RBM28: variants seen among roughly 807,000 people sequenced by gnomAD.
RBM28 encodes the protein RNA-binding protein 28.
In RBM28, 78 loss-of-function variants were observed where a neutral mutation model predicts 98.3. The ratio of observed to expected loss-of-function variants is 0.79; its 90% confidence interval spans 0.66 to 0.96. RBM28 has a LOEUF of 0.96. Ranked by LOEUF, RBM28 falls within the 40% of genes least tolerant of loss-of-function variation. RBM28 has a pLI of 0.00. For synonymous variants in RBM28, 306 were observed against 330.9 expected (o/e 0.92, Z 0.82); for missense variants, 838 against 913.0 (o/e 0.92, Z 1.06).
Position 128,301,669 on chromosome 7 carries a change from G to C in RBM28, c.*9128C>G, listed in dbSNP as rs1795783515. On this transcript the variant is annotated 3_prime_UTR_variant, in exon 19 of 19. Transcript: ENST00000223073. ...CAGCTATTGCCTAAGGGTCACTGAG[G>C]GCCTCAAACCCCAGAGGCTCTGTGG... 1 of 152,388 alleles carries C rather than the reference G, an allele frequency of 6.6e-6. No individual in the cohort carries two copies. The highest frequency in any genetic ancestry group is 1.5e-5 in the Non-Finnish European group (1 of 68,190). The allele number at this position is 152,388 out of a possible 1,614,324, so 9.4% of individuals were successfully genotyped here. A position where few individuals can be genotyped will look rare whatever the true frequency, so the allele number is the denominator to read the frequency against.
intron 10 of RBM28, among the ~76,000 whole-genome samples, chr7:128,330,495 T>C (rs1173087545): frequency 1.3e-5 from 2 of 151,168 alleles, no homozygotes; most frequent in Non-Finnish European, 2.9e-5. Context: ...AATTTTCCTG[T>C]CTCAGCCTCC....
At position 128,313,289 on chromosome 7, in the gene RBM28, CTGAG is replaced by C; in HGVS notation, c.2046-19_2046-16del. On this transcript the variant is annotated splice_polypyrimidine_tract_variant and intron_variant, in intron 17 of 18. Transcript: ENST00000223073. The stretch of plus-strand genomic sequence containing the variant: ...TGTCCCGCAACCTGAAATAACATGG[CTGAG>C]TGTCACCTTGAGTCCTTCTTCTAAT... 1 of 1,608,808 alleles carries C rather than the reference CTGAG, an allele frequency of 6.2e-7. No homozygotes were observed. The highest frequency in any genetic ancestry group is 8.5e-7 in the Non-Finnish European group (1 of 1,175,150).
chr7:128,339,130 C>T, intron 3 of RBM28, 97 bp downstream of exon 3: 1 of 1,131,132 alleles, frequency 8.8e-7, no homozygotes, highest in South Asian at 1.2e-5. Context: ...AGGAATTAAG[C>T]CCAATTATAC....
intron 1 of RBM28, among the ~76,000 whole-genome samples, chr7:128,343,322 C>CTCTCCA (rs1796769032): frequency 6.6e-6 from 1 of 152,188 alleles, no homozygotes; most frequent in South Asian, 2.1e-4. Flanking sequence ...GACATTAAGA[C>CTCTCCA]TCTCCATCCG....
At chr7:128,331,483 A>G (rs1432315926) in intron 9 of RBM28, among the ~76,000 whole-genome samples, 1 of 152,196 alleles carries the variant, frequency 6.6e-6, no homozygotes, top group Middle Eastern at 3.2e-3. Context: ...TAAATTGACC[A>G]AAATTCATTT....
intron 16 of RBM28, among the ~76,000 whole-genome samples, chr7:128,316,541 T>A (rs1320975022): frequency 1.3e-5 from 2 of 152,054 alleles, no homozygotes; most frequent in African/African-American, 4.8e-5. Flanking sequence ...TGAAACCCTG[T>A]CTCTACTAAA....
rs751460187 is a variant in RBM28, at chr7:128,335,858, T to C, written c.798A>G (p.Gln266=). The part of the protein sequence containing the change: ...NIESKVTKPV[Q]IQKRAVKRPA... ...GATGAGCTGCTTACCTCTTCTGAAT[T>C]TGCACAGGCTTGGTCACCTTTGATT... The change falls in exon 7 of 19, where the codon CAA becomes CAG. Residue 266 remains glutamine (Q), a synonymous_variant. Transcript: ENST00000223073. The C allele has an allele frequency of 1.2e-6, 2 of 1,614,176 alleles. No homozygotes were observed. The highest frequency in any genetic ancestry group is 1.7e-5 in the Admixed American group (1 of 60,028).
chr7:128,332,358 T>G (rs28437662), intron 9 of RBM28, among the ~76,000 whole-genome samples: 5,257 of 125,396 alleles, frequency 0.042, 206 homozygotes, highest in African/African-American at 0.13. Context: ...GAAAACAAAT[T>G]TTTTTTTTTT....
chr7:128,305,573 T>C lies in RBM28; in HGVS notation c.*5224A>G, dbSNP rs1226813065. ...CCTGGGCTCAAGTGATTCTCCCACT[T>C]TGACCTCTCAAAGTGCTGGGAATAT... On this transcript the variant is annotated 3_prime_UTR_variant, in exon 19 of 19. Transcript: ENST00000223073. 1 of 152,262 alleles carries C rather than the reference T, an allele frequency of 6.6e-6. No homozygotes were observed. The highest frequency in any genetic ancestry group is 1.5e-5 in the Non-Finnish European group (1 of 68,106). The allele number at this position is 152,262 out of a possible 1,614,324, so 9.4% of individuals were successfully genotyped here.
chr7:128,325,901 G>A lies in RBM28; in HGVS notation c.1130-10C>T. On this transcript the variant is annotated splice_polypyrimidine_tract_variant and intron_variant, in intron 10 of 18. Transcript: ENST00000223073. The stretch of plus-strand genomic sequence containing the variant: ...TGGGCAAATGCACAACCTGCACAAG[G>A]AGACACAATTCAGTGAGATCCCAAA... 6.2e-7 allele frequency: 1 copy of A among 1,611,610 alleles called. No homozygotes were observed. The highest frequency in any genetic ancestry group is 8.5e-7 in the Non-Finnish European group (1 of 1,178,002).
At chr7:128,322,667 T>C (rs1234893694) in intron 13 of RBM28, among the ~76,000 whole-genome samples, 1 of 152,232 alleles carries the variant, frequency 6.6e-6, no homozygotes, top group African/African-American at 2.4e-5. Context: ...TATGTCATTA[T>C]TGCACTGTGA....
chr7:128,321,762 A>G (rs964164671), intron 13 of RBM28, among the ~76,000 whole-genome samples: 1 of 152,130 alleles, frequency 6.6e-6, no homozygotes, highest in Non-Finnish European at 1.5e-5. Context: ...ATGAGATAAT[A>G]TAAGGCTGGG....
chr7:128,298,198 T>C lies in RBM28; in HGVS notation c.*12599A>G, dbSNP rs1203697598. On this transcript the variant is annotated 3_prime_UTR_variant, in exon 19 of 19. Coordinates refer to ENST00000223073, the MANE Select transcript of RBM28 (RefSeq NM_018077.3). ...CTTATCAGTAGTTCTGTTTTGCCTTTTGTCTTGTTTCCTCAGAAGCATGTG... is the reference window on the plus strand; with the variant it reads ...CTTATCAGTAGTTCTGTTTTGCCTTCTGTCTTGTTTCCTCAGAAGCATGTG... The C allele has an allele frequency of 1.3e-5, 2 of 152,174 alleles. No individual in the cohort carries two copies. Among genetic ancestry groups the C allele is most frequent in the African/African-American group, 4.8e-5 (2 of 41,440 alleles). 9.4% of individuals were successfully genotyped at this position (152,174 alleles called of 1,614,324 possible).
At chr7:128,336,985 C>A in intron 6 of RBM28, 146 bp downstream of exon 6, 1 of 846,792 alleles carries the variant, frequency 1.2e-6, no homozygotes, top group Non-Finnish European at 2.0e-6. Context: ...TGACTGCAAG[C>A]AATCCACCCA....
intron 1 of RBM28, among the ~76,000 whole-genome samples, chr7:128,341,376 A>G (rs1349715611): frequency 6.6e-6 from 1 of 152,254 alleles, no homozygotes; most frequent in African/African-American, 2.4e-5. Flanking sequence ...AAAGAGTTTG[A>G]CACCCAAATG....
At position 128,315,017 on chromosome 7, in the gene RBM28, T is replaced by C. The variant is rs773484925; in HGVS notation, c.1792A>G (p.Lys598Glu). 1 of 1,614,248 alleles carries C rather than the reference T, an allele frequency of 6.2e-7. No homozygotes were observed. Among genetic ancestry groups the C allele is most frequent in the South Asian group, 1.1e-5 (1 of 91,080 alleles). ...CCAGTTGCAGGCTTGGATCTCATTT[T>C]TTGCTGCATAAAACAAGAAAATGCC... ...KELRIQRSLQ[K>E]MRSKPATGEP... is the part of the protein sequence containing the mutation. Residue 598 changes from lysine to glutamate, a missense_variant, in exon 17 of 19, where the codon AAA becomes GAA. Lys to Glu is a moderately conservative substitution (Grantham distance 56). Transcript: ENST00000223073.
In RBM28 at chr7:128,343,712, C is replaced by T. The variant is rs745648503; in HGVS notation, c.82G>A (p.Gly28Arg). 13 of 1,611,930 alleles carry T rather than the reference C, an allele frequency of 8.1e-6. No homozygotes were observed. Among genetic ancestry groups the T allele is most frequent in the Non-Finnish European group, 1.1e-5 (13 of 1,178,934 alleles). The part of the protein sequence containing the change: ...EQLEELFSQV[G>R]PVKQCFVVTE... Reference sequence around the variant, plus strand: ...ACCACGAAGCACTGCTTCACCGGCCCCACCTGACTGAACAGTTCCTCCAGC... The same window carrying T: ...ACCACGAAGCACTGCTTCACCGGCCTCACCTGACTGAACAGTTCCTCCAGC... Residue 28 changes from glycine (G) to arginine (R), a missense_variant, in exon 1 of 19, where the codon GGG becomes AGG. Physicochemically the swap from Gly to Arg is moderately radical, Grantham distance 125. Transcript: ENST00000223073.
chr7:128,339,088 T>G (rs759585965), intron 3 of RBM28, 139 bp downstream of exon 3: 3 of 865,484 alleles, frequency 3.5e-6, no homozygotes, highest in Non-Finnish European at 5.8e-6. Context: ...GCCCACTTTC[T>G]GAATTCAACA....
In RBM28 at chr7:128,321,283, C is replaced by G. The variant is rs1562951667; in HGVS notation, c.1546G>C (p.Gly516Arg). 3 of 1,614,216 alleles carry G rather than the reference C, an allele frequency of 1.9e-6. No homozygotes were observed. Among genetic ancestry groups the G allele is most frequent in the South Asian group, 2.2e-5 (2 of 91,080 alleles). ...CGTCTCACCTCCTTGATGCGCACCC[C>G]TTTCTCTCCACTAGTAGCACTCAGC... ...LLLSATSGEKGVRIKECRVMR... is the reference protein window; with the variant it reads ...LLLSATSGEKRVRIKECRVMR... Residue 516 changes from glycine (G) to arginine (R), a missense_variant, in exon 14 of 19, where the codon GGG (glycine) becomes CGG (arginine). Transcript: ENST00000223073.
Sources: allele counts gnomAD v4.1 joint callset (sites outside exome capture counted in the v4.1 genomes callset), GRCh38; gene constraint gnomAD v4.1.1; transcripts MANE v1.5; gene names NCBI Gene and HGNC (gene_info 2026-07-23, HGNC 2026-07-21).